Variants in PPID observed in about 807,000 individuals in gnomAD.
PPID encodes peptidyl-prolyl cis-trans isomerase D.
Under a neutral mutation model 48.1 loss-of-function variants are expected in PPID, and 47 were observed. The ratio of observed to expected loss-of-function variants is 0.98; its 90% CI spans 0.77 to 1.25. The LOEUF (loss-of-function observed/expected upper bound fraction) is 1.25. Ranked by LOEUF, PPID falls within the 50% of genes most tolerant of loss-of-function variation. PPID has a pLI of 0.00. For missense variants in PPID, 429 were observed against 443.5 expected, an observed-to-expected ratio of 0.97 and a Z score of 0.29; for synonymous variants, 163 against 148.8, an observed-to-expected ratio of 1.10 and a Z score of -0.69.
In PPID at chr4:158,716,358, G is replaced by T. The variant is rs114337730; in HGVS notation, c.522+654C>A. Among the ~76,000 whole-genome samples the T allele has an allele frequency of 2.7e-3, 409 of 152,196 alleles. 5 individuals carry two copies. The highest frequency in any genetic ancestry group is 9.3e-3 in the African/African-American group (386 of 41,532). ...AGTTAAGTAACAAAGTCAAGGCCAA[G>T]CCTCTAGTTAATGCTACAATCCAGA... is the stretch of plus-strand genomic sequence containing the variant. On this transcript the variant is annotated intron_variant, in intron 4 of 9. Transcript: ENST00000307720.
At chr4:158,713,025 G>T in intron 7 of PPID, 94 bp downstream of exon 7, 2 of 1,311,986 alleles carry the variant, frequency 1.5e-6, no homozygotes, top group Non-Finnish European at 2.2e-6. Flanking sequence ...TAGGTCCTAT[G>T]CAATAAGATA....
chr4:158,710,720 G>C, intron 8 of PPID, 42 bp downstream of exon 8: 1 of 1,609,148 alleles, frequency 6.2e-7, no homozygotes, highest in Non-Finnish European at 8.5e-7. Context: ...TATAAAGGTA[G>C]TTGTCTATTT....
intron 2 of PPID, among the ~76,000 whole-genome samples, chr4:158,720,574 T>A (rs1208891185): frequency 6.6e-6 from 1 of 152,220 alleles, no homozygotes; most frequent in African/African-American, 2.4e-5. Flanking sequence ...AAAGTATGAT[T>A]CATTACAAAG....
At chr4:158,712,571 A>T (rs1467178498) in intron 7 of PPID, among the ~76,000 whole-genome samples, 1 of 152,206 alleles carries the variant, frequency 6.6e-6, no homozygotes, top group African/African-American at 2.4e-5. Context: ...AGCCTGGCCA[A>T]CATGGTGAAA....
Position 158,709,572 on chromosome 4 carries a change from A to G in PPID, c.*164T>C, listed in dbSNP as rs1774741804. The stretch of plus-strand genomic sequence containing the variant: ...ACCACTTTACTTACTGTATTGTGAC[A>G]TGTTTATTAAGCATGAACCCCTATC... On this transcript the variant is annotated 3_prime_UTR_variant, in exon 10 of 10. Transcript: ENST00000307720. 3.8e-6 allele frequency: 2 copies of G among 527,118 alleles called. No homozygotes were observed. Among genetic ancestry groups the G allele is most frequent in the Admixed American group, 3.7e-5 (1 of 26,970 alleles). 32.7% of individuals were successfully genotyped at this position (527,118 alleles called of 1,614,324 possible).
intron 9 of PPID, chr4:158,710,365 TA>T: frequency 1.8e-6 from 1 of 552,538 alleles, no homozygotes; most frequent in Non-Finnish European, 3.2e-6. Flanking sequence ...TTTAGACATA[TA>T]AAAAACTACA....
chr4:158,717,199 TG>T lies in PPID; in HGVS notation c.334del (p.His112MetfsTer7), dbSNP rs775759105. The T allele has an allele frequency of 6.2e-7, 1 of 1,600,242 alleles. No individual in the cohort carries two copies. Among genetic ancestry groups the T allele is most frequent in the Admixed American group, 1.8e-5 (1 of 55,098 alleles). ...KFEDENFHYKHDREGLLSMAN... is the reference protein window; with the variant it reads ...KFEDENFHYKXDREGLLSMAN... The stretch of plus-strand genomic sequence containing the variant: ...CATGCTCAGTAAACCCTCCCGATCA[TG>T]CTGTAGAAATAAAAATTAAAAGAAA... On this transcript the variant is annotated frameshift_variant and splice_region_variant, in exon 4 of 10. Coordinates refer to ENST00000307720, the MANE Select transcript of PPID (RefSeq NM_005038.3). LOFTEE classifies it high-confidence loss of function.
Position 158,715,475 on chromosome 4 carries a change from G to A in PPID, c.646-72C>T, listed in dbSNP as rs997490311. 234 of 1,543,626 alleles carry A rather than the reference G, an allele frequency of 1.5e-4. 3 individuals are homozygous for A. In the South Asian group the frequency reaches 1.5e-3, roughly 10 times the overall value. ...TTTAATGCTAGATTCTATCATATGAGAGACTGAAACAAAAGCTCAAACTTT... is the reference window on the plus strand; with the variant it reads ...TTTAATGCTAGATTCTATCATATGAAAGACTGAAACAAAAGCTCAAACTTT... On this transcript the variant is annotated intron_variant, in intron 5 of 9. Coordinates refer to ENST00000307720, the MANE Select transcript of PPID (RefSeq NM_005038.3).
At position 158,710,809 on chromosome 4, in the gene PPID, G is replaced by T; in HGVS notation, c.934C>A (p.Arg312Ser). ...LDPSNTKALYRRAQGWQGLKE... is the reference protein window; with the variant it reads ...LDPSNTKALYSRAQGWQGLKE... Reference sequence around the variant, plus strand: ...AATCCTTGCCATCCTTGAGCTCTGCGGTACAATGCTTTGGTATTTGATGGG... The same window carrying T: ...AATCCTTGCCATCCTTGAGCTCTGCTGTACAATGCTTTGGTATTTGATGGG... The change falls in exon 8 of 10, where the codon CGC (arginine) becomes AGC (serine). Residue 312 changes from arginine to serine, a missense_variant. Transcript: ENST00000307720. 1 of 1,613,654 alleles carries T rather than the reference G, an allele frequency of 6.2e-7. No homozygotes were observed. Among genetic ancestry groups the T allele is most frequent in the Non-Finnish European group, 8.5e-7 (1 of 1,179,644 alleles).
chr4:158,712,103 G>A, intron 7 of PPID, among the ~76,000 whole-genome samples: 1 of 152,156 alleles, frequency 6.6e-6, no homozygotes, highest in Non-Finnish European at 1.5e-5. Context: ...TCTGAGCATA[G>A]CTAGTCTAGG....
At chr4:158,721,281 A>G in intron 2 of PPID, 62 bp downstream of exon 2, 1 of 1,565,016 alleles carries the variant, frequency 6.4e-7, no homozygotes, top group Admixed American at 1.8e-5. Context: ...TTCTTCCCCA[A>G]ATCCTAAAGA....
Position 158,715,321 on chromosome 4 carries a change from A to G in PPID, c.728T>C (p.Ile243Thr), listed in dbSNP as rs746297654. The G allele has an allele frequency of 5.9e-6, 9 of 1,525,576 alleles. No homozygotes were observed. Among genetic ancestry groups the G allele is most frequent in the Admixed American group, 4.3e-5 (2 of 46,976 alleles). 94.5% of individuals were successfully genotyped at this position (1,525,576 alleles called of 1,614,324 possible). A position where few individuals can be genotyped will look rare whatever the true frequency, so the allele number is the denominator to read the frequency against. The change falls in exon 6 of 10, where the codon ATT (isoleucine) becomes ACT (threonine). Residue 243 changes from isoleucine (I) to threonine (T), a missense_variant. Physicochemically the swap from Ile to Thr is moderately conservative, Grantham distance 89. Coordinates refer to ENST00000307720, the MANE Select transcript of PPID (RefSeq NM_005038.3). ...FFKSQNWEMA[I>T]KKYAEVLRYV... ...CCTTAAAACTTCTGCATATTTTTTA[A>G]TAGCCATCTCCCAGTTCTGGGATTT...
rs768083464 is a variant in PPID, at chr4:158,709,750, T to C, written c.1099A>G (p.Lys367Glu). Residue 367 changes from lysine (K) to glutamate (E), a missense_variant, in exon 10 of 10, where the codon AAA becomes GAA. Coordinates refer to ENST00000307720, the MANE Select transcript of PPID (RefSeq NM_005038.3). Reference sequence around the variant, plus strand: ...CTGAATCCTTTCTAAGCAAACATTTTTGCATATACTGCCTTCTCTTTATCT... The same window carrying C: ...CTGAATCCTTTCTAAGCAAACATTTCTGCATATACTGCCTTCTCTTTATCT... ...QKDKEKAVYA[K>E]MFA The C allele has an allele frequency of 6.2e-7, 1 of 1,606,400 alleles. No homozygotes were observed. The highest frequency in any genetic ancestry group is 8.5e-7 in the Non-Finnish European group (1 of 1,174,428).
chr4:158,717,217 TAAAAG>T lies in PPID; in HGVS notation c.334-22_334-18del, dbSNP rs1337680147. ...CCGATCATGCTGTAGAAATAAAAAT[TAAAAG>T]AAAACCAAGGTTAGATGTGTTCTTT... On this transcript the variant is annotated intron_variant, in intron 3 of 9. Coordinates refer to ENST00000307720, the MANE Select transcript of PPID (RefSeq NM_005038.3). 1 of 1,594,810 alleles carries T rather than the reference TAAAAG, an allele frequency of 6.3e-7. No individual in the cohort carries two copies. Among genetic ancestry groups the T allele is most frequent in the African/African-American group, 1.4e-5 (1 of 73,414 alleles).
chr4:158,717,120 T>C lies in PPID; in HGVS notation c.414A>G (p.Pro138=), dbSNP rs916839842. ...NGSQFFITTV[P]TPHLDGKHVV... ...CATGTTTCCCATCCAAATGAGGAGT[T>C]GGAACTGTTGTGATAAAAAACTGAG... Residue 138 remains proline (P), a synonymous_variant, in exon 4 of 10, where the codon CCA becomes CCG. Transcript: ENST00000307720. The C allele has an allele frequency of 6.2e-7, 1 of 1,614,140 alleles. No individual in the cohort carries two copies. The highest frequency in any genetic ancestry group is 8.5e-7 in the Non-Finnish European group (1 of 1,179,982).
intron 3 of PPID, among the ~76,000 whole-genome samples, chr4:158,717,948 T>G (rs1240792229): frequency 6.6e-6 from 1 of 152,228 alleles, no homozygotes; most frequent in Non-Finnish European, 1.5e-5. Flanking sequence ...TGTTGGTGCA[T>G]GCACCGTAAC....
Position 158,719,225 on chromosome 4 carries a change from T to G in PPID, c.288A>C (p.Glu96Asp), listed in dbSNP as rs1254877052. The stretch of plus-strand genomic sequence containing the variant: ...CTTCAAATTTTTCACCATAAATACT[T>G]TCTCCACCTGTCCCATTCTGATTTG... ...DFSNQNGTGG[E>D]SIYGEKFEDE... The change falls in exon 3 of 10, where the codon GAA (glutamate) becomes GAC (aspartate). Residue 96 changes from glutamate (E) to aspartate (D), a missense_variant. Physicochemically the swap from Glu to Asp is conservative, Grantham distance 45 (BLOSUM62 2). Coordinates refer to ENST00000307720, the MANE Select transcript of PPID (RefSeq NM_005038.3). The G allele has an allele frequency of 1.2e-6, 2 of 1,611,276 alleles. No homozygotes were observed. Among genetic ancestry groups the G allele is most frequent in the Admixed American group, 3.3e-5 (2 of 59,978 alleles).
At position 158,709,746 on chromosome 4, in the gene PPID, A is replaced by G. The variant is rs1580427286; in HGVS notation, c.1103T>C (p.Met368Thr). The change falls in exon 10 of 10, where the codon ATG becomes ACG. Residue 368 changes from methionine (M) to threonine (T), a missense_variant. Coordinates refer to ENST00000307720, the MANE Select transcript of PPID (RefSeq NM_005038.3). ...KDKEKAVYAK[M>T]FA is the part of the protein sequence containing the mutation. ...AAAACTGAATCCTTTCTAAGCAAACATTTTTGCATATACTGCCTTCTCTTT... is the reference window on the plus strand; with the variant it reads ...AAAACTGAATCCTTTCTAAGCAAACGTTTTTGCATATACTGCCTTCTCTTT... 2 of 1,603,962 alleles carry G rather than the reference A, an allele frequency of 1.2e-6. No individual in the cohort carries two copies. Among genetic ancestry groups the G allele is most frequent in the Non-Finnish European group, 8.5e-7 (1 of 1,172,898 alleles).
At chr4:158,718,315 C>A (rs1774903374) in intron 3 of PPID, among the ~76,000 whole-genome samples, 1 of 152,182 alleles carries the variant, frequency 6.6e-6, no homozygotes, top group Non-Finnish European at 1.5e-5. Context: ...CTGCACAGCC[C>A]AAGTAGCCAT....
Sources: gnomAD v4.1 joint callset for allele counts (sites outside exome capture counted in the v4.1 genomes callset) on GRCh38, gnomAD v4.1.1 for gene constraint, MANE v1.5 for transcripts, NCBI Gene and HGNC (gene_info 2026-07-23, HGNC 2026-07-21) for gene names.